Variants in VAT1L observed in about 807,000 individuals in gnomAD.
VAT1L encodes putative NADPH-dependent quinone oxidoreductase VAT1L.
VAT1L carries 34 observed loss-of-function variants against 44.1 expected under a neutral mutation model. The ratio of observed to expected loss-of-function variants is 0.77; its 90% CI spans 0.59 to 1.03. The LOEUF is 1.03. Among genes scored for constraint, VAT1L ranks in the 50% least tolerant of loss-of-function variants. The pLI is 0.00. For missense variants in VAT1L, 615 were observed against 538.8 expected, an observed-to-expected ratio of 1.14 and a Z score of -1.40; for synonymous variants, 253 against 202.2, an observed-to-expected ratio of 1.25 and a Z score of -2.13.
intron 7 of VAT1L, among the ~76,000 whole-genome samples, chr16:77,905,596 A>G (rs8062644): frequency 0.78 from 118,708 of 152,024 alleles, 46,658 homozygotes; most frequent in South Asian, 0.9. Context: ...ATTATTCACA[A>G]GTTGATGTTC....
intron 3 of VAT1L, among the ~76,000 whole-genome samples, chr16:77,828,041 G>A (rs1441641856): frequency 2.6e-5 from 4 of 152,180 alleles, no homozygotes; most frequent in African/African-American, 4.8e-5. Flanking sequence ...TTTGAATAGC[G>A]TTCTCTGAAA....
Position 77,788,615 on chromosome 16 carries a change from GC to G in VAT1L, c.-64del. Reference sequence around the variant, plus strand: ...AACAGGAGGAACCCGCGGGAGAGGAGCCCCACTCCCCCAGCGCCGCAGCCAC... The same window carrying G: ...AACAGGAGGAACCCGCGGGAGAGGAGCCCACTCCCCCAGCGCCGCAGCCAC... On this transcript the variant is annotated 5_prime_UTR_variant, in exon 1 of 9. Transcript: ENST00000302536. The G allele has an allele frequency of 1.3e-6, 2 of 1,516,796 alleles. No individual in the cohort carries two copies. Among genetic ancestry groups the G allele is most frequent in the Non-Finnish European group, 1.8e-6 (2 of 1,123,768 alleles). The allele number at this position is 1,516,796 out of a possible 1,614,324, so 94.0% of individuals were successfully genotyped here.
intron 7 of VAT1L, among the ~76,000 whole-genome samples, chr16:77,887,104 A>G (rs1342153653): frequency 1.3e-5 from 2 of 152,242 alleles, no homozygotes; most frequent in Non-Finnish European, 2.9e-5. Context: ...GAGCTGGAAC[A>G]TGAAAGAGGC....
chr16:77,968,756 A>C (rs2018249523), intron 7 of VAT1L, among the ~76,000 whole-genome samples: 1 of 151,998 alleles, frequency 6.6e-6, no homozygotes. Flanking sequence ...GAGCATGGGG[A>C]CAGGCTCTGC....
At chr16:77,893,074 C>A (rs1020708506) in intron 7 of VAT1L, among the ~76,000 whole-genome samples, 3 of 152,124 alleles carry the variant, frequency 2.0e-5, no homozygotes, top group African/African-American at 7.2e-5. Context: ...CCATGCCTGG[C>A]TGGATTGCAG....
chr16:77,808,528 A>G (rs1440534446), intron 1 of VAT1L, among the ~76,000 whole-genome samples: 2 of 152,176 alleles, frequency 1.3e-5, no homozygotes, highest in Admixed American at 6.5e-5. Flanking sequence ...CCTGGTGCCA[A>G]AAAGGTTTGG....
chr16:77,930,319 T>A (rs1378492546), intron 7 of VAT1L, among the ~76,000 whole-genome samples: 1 of 152,194 alleles, frequency 6.6e-6, no homozygotes, highest in Non-Finnish European at 1.5e-5. Flanking sequence ...TCATTACTGA[T>A]GTTCTTTGGG....
intron 7 of VAT1L, among the ~76,000 whole-genome samples, chr16:77,895,760 A>G (rs955615131): frequency 6.6e-6 from 1 of 152,270 alleles, no homozygotes; most frequent in African/African-American, 2.4e-5. Context: ...ATGCCACTCA[A>G]CAAATGCTTA....
intron 7 of VAT1L, among the ~76,000 whole-genome samples, chr16:77,914,175 AGC>A (rs1390529739): frequency 1.3e-5 from 2 of 152,242 alleles, no homozygotes; most frequent in African/African-American, 4.8e-5. Context: ...GAATTTTGTG[AGC>A]CAGTCATTCA....
intron 1 of VAT1L, among the ~76,000 whole-genome samples, chr16:77,802,320 G>C (rs2016071949): frequency 6.6e-6 from 1 of 151,994 alleles, no homozygotes; most frequent in Non-Finnish European, 1.5e-5. Flanking sequence ...GAGTCCCTTA[G>C]AAAACACTAA....
chr16:77,870,478 C>G (rs1371147634), intron 4 of VAT1L, among the ~76,000 whole-genome samples: 1 of 152,186 alleles, frequency 6.6e-6, no homozygotes, highest in Non-Finnish European at 1.5e-5. Flanking sequence ...TCTGTTGGAA[C>G]CTACTGCCAC....
intron 8 of VAT1L, among the ~76,000 whole-genome samples, chr16:77,974,451 T>C (rs2018313851): frequency 6.6e-6 from 1 of 152,196 alleles, no homozygotes; most frequent in Admixed American, 6.5e-5. Flanking sequence ...AAGGCCTGTC[T>C]TACCAAGGGA....
At chr16:77,809,189 T>C (rs140843449) in intron 1 of VAT1L, among the ~76,000 whole-genome samples, 81 of 152,328 alleles carry the variant, frequency 5.3e-4, no homozygotes, top group African/African-American at 1.9e-3. Context: ...TTGTTCTTTG[T>C]AAAATGGGGG....
chr16:77,833,224 G>C (rs2016599471), intron 3 of VAT1L, among the ~76,000 whole-genome samples: 1 of 152,176 alleles, frequency 6.6e-6, no homozygotes, highest in Non-Finnish European at 1.5e-5. Flanking sequence ...CTTTCAATGA[G>C]AAGCCCTAGA....
chr16:77,976,474 C>T (rs1423662853), intron 8 of VAT1L, among the ~76,000 whole-genome samples: 1 of 152,116 alleles, frequency 6.6e-6, no homozygotes, highest in South Asian at 2.1e-4. Context: ...AACCCAGCTT[C>T]AGGTGAGACA....
chr16:77,968,514 A>C (rs1218212023), intron 7 of VAT1L, among the ~76,000 whole-genome samples: 2 of 152,308 alleles, frequency 1.3e-5, no homozygotes, highest in East Asian at 3.9e-4. Flanking sequence ...TCACAAAGTC[A>C]GGAGATCAAG....
At chr16:77,795,505 G>A (rs1229899061) in intron 1 of VAT1L, among the ~76,000 whole-genome samples, 1 of 152,168 alleles carries the variant, frequency 6.6e-6, no homozygotes, top group Non-Finnish European at 1.5e-5. Context: ...CTTGTTTGTA[G>A]TAGGTATTTC....
intron 7 of VAT1L, among the ~76,000 whole-genome samples, chr16:77,947,039 C>T (rs1301978186): frequency 2.6e-5 from 4 of 152,204 alleles, no homozygotes; most frequent in Non-Finnish European, 4.4e-5. Context: ...GATAGATATT[C>T]CTTGCCACTT....
chr16:77,911,014 C>G (rs1327236353), intron 7 of VAT1L, among the ~76,000 whole-genome samples: 1 of 152,156 alleles, frequency 6.6e-6, no homozygotes, highest in Non-Finnish European at 1.5e-5. Context: ...GGATCTGAAC[C>G]CATGCAACCT....
Sources: gnomAD v4.1 joint callset for allele counts (sites outside exome capture counted in the v4.1 genomes callset) on GRCh38, gnomAD v4.1.1 for gene constraint, MANE v1.5 for transcripts, NCBI Gene and HGNC (gene_info 2026-07-23, HGNC 2026-07-21) for gene names.